Variants in OPRM1 observed in about 807,000 individuals in gnomAD.
OPRM1 encodes opioid receptor mu 1.
Under a neutral mutation model 31.8 loss-of-function variants are expected in OPRM1, and 27 were observed. The observed-to-expected ratio is 0.85, with a 90% CI of 0.63 to 1.17. The LOEUF (loss-of-function observed/expected upper bound fraction) is 1.17, where lower values mean the gene tolerates loss of function less well. Among genes scored for constraint, OPRM1 ranks in the 50% most tolerant of loss-of-function variants. The pLI is 0.00. For missense variants in OPRM1, 536 were observed against 511.1 expected, an observed-to-expected ratio of 1.05 and a Z score of -0.47; for synonymous variants, 196 against 189.9, an observed-to-expected ratio of 1.03 and a Z score of -0.26.
chr6:154,049,036 A>G (rs1781697691), intron 1 of OPRM1, among the ~76,000 whole-genome samples: 1 of 152,176 alleles, frequency 6.6e-6, no homozygotes, highest in Admixed American at 6.5e-5. Flanking sequence ...TAAAATTTTC[A>G]TCAGCTAATG....
chr6:154,214,313 G>C (rs746501725), intron 3 of OPRM1: 1 of 1,418,236 alleles, frequency 7.1e-7, no homozygotes, highest in South Asian at 1.1e-5. Flanking sequence ...TGACCAAAGA[G>C]ATTAGCCCCC....
chr6:154,161,804 GA>G (rs1423360649), intron 3 of OPRM1, among the ~76,000 whole-genome samples: 1 of 152,130 alleles, frequency 6.6e-6, no homozygotes, highest in Non-Finnish European at 1.5e-5. Flanking sequence ...GCATGTGATT[GA>G]ACTACTCTTT....
chr6:154,163,135 T>C (rs1296041847), intron 3 of OPRM1, among the ~76,000 whole-genome samples: 1 of 152,168 alleles, frequency 6.6e-6, no homozygotes, highest in African/African-American at 2.4e-5. Context: ...GTCACTGTCT[T>C]ACTCCGAGCA....
In OPRM1 at chr6:154,091,423, C is replaced by G. The variant is rs200735555; in HGVS notation, c.1115C>G (p.Thr372Ser). Residue 372 changes from threonine (T) to serine (S), a missense_variant, in exon 3 of 4, where the codon ACT becomes AGT. Physicochemically the swap from Thr to Ser is moderately conservative, Grantham distance 58. Coordinates refer to ENST00000330432, the MANE Select transcript of OPRM1 (RefSeq NM_000914.5). ...QQNSTRIRQN[T>S]RDHPSTANTV... ...AACTCCACTCGAATTCGTCAGAACACTAGAGACCACCCCTCCACGGCCAAT... is the reference window on the plus strand; with the variant it reads ...AACTCCACTCGAATTCGTCAGAACAGTAGAGACCACCCCTCCACGGCCAAT... 1 of 1,613,920 alleles carries G rather than the reference C, an allele frequency of 6.2e-7. No homozygotes were observed. Among genetic ancestry groups the G allele is most frequent in the South Asian group, 1.1e-5 (1 of 91,082 alleles).
rs537718212 is a variant in OPRM1 at position 154,067,299 on chromosome 6, C to G, written c.291-22527C>G. Among the ~76,000 whole-genome samples, 579 of 151,724 alleles carry G rather than the reference C, an allele frequency of 3.8e-3. 1 individual carries two copies. The highest frequency in any genetic ancestry group is 6.2e-3 in the Non-Finnish European group (422 of 67,852). On this transcript the variant is annotated intron_variant, in intron 1 of 3. Transcript: ENST00000330432. The stretch of plus-strand genomic sequence containing the variant: ...TAAGCATTTATACATACAAATTTTC[C>G]CTTAGCACTGTTTTTGCTGCATCAT...
intron 3 of OPRM1, among the ~76,000 whole-genome samples, chr6:154,162,872 C>G (rs1218366908): frequency 1.3e-5 from 2 of 152,190 alleles, no homozygotes; most frequent in African/African-American, 4.8e-5. Context: ...TCAAAAATAA[C>G]ATATCTAAAG....
chr6:154,047,268 C>T (rs1481073879), intron 1 of OPRM1, among the ~76,000 whole-genome samples: 2 of 149,390 alleles, frequency 1.3e-5, no homozygotes, highest in Non-Finnish European at 3.0e-5. Context: ...TCTTACTGCA[C>T]TGGGAGGCCC....
At chr6:154,192,582 G>A (rs907614970) in intron 3 of OPRM1, among the ~76,000 whole-genome samples, 1 of 152,038 alleles carries the variant, frequency 6.6e-6, no homozygotes, top group African/African-American at 2.4e-5. Flanking sequence ...GCAACCCAGA[G>A]AGTGGGAGAA....
intron 1 of OPRM1, among the ~76,000 whole-genome samples, chr6:154,058,910 A>G (rs1466558018): frequency 6.6e-6 from 1 of 152,226 alleles, no homozygotes; most frequent in Non-Finnish European, 1.5e-5. Flanking sequence ...AATTTGTGTA[A>G]TAAGCCCAAA....
chr6:154,090,210 G>A (rs1183124089), intron 2 of OPRM1, 32 bp downstream of exon 2: 5 of 1,447,664 alleles, frequency 3.5e-6, no homozygotes, highest in Non-Finnish European at 4.8e-6. Context: ...AGGGAAGGAG[G>A]GTTCACAGCC....
At chr6:154,246,862 T>C (rs1370779370) in exon 4 of OPRM1, 3 of 1,346,610 alleles carry the variant, frequency 2.2e-6, no homozygotes, top group Non-Finnish European at 2.9e-6. Flanking sequence ...CTTTTAATTG[T>C]TAACCCCCCG....
chr6:154,187,399 T>C (rs900936705), intron 3 of OPRM1, among the ~76,000 whole-genome samples: 2 of 152,230 alleles, frequency 1.3e-5, no homozygotes, highest in Non-Finnish European at 2.9e-5. Context: ...GGGCTGTTTA[T>C]TTTGGCTTTC....
Position 154,090,903 on chromosome 6 carries a change from C to T in OPRM1, c.644-49C>T, listed in dbSNP as rs764663450. On this transcript the variant is annotated intron_variant, in intron 2 of 3. Coordinates refer to ENST00000330432, the MANE Select transcript of OPRM1 (RefSeq NM_000914.5). ...AAATGGCAGTATTAACACCTTATGA[C>T]ATAATTAAATGTTGCTGCTAATTTT... The T allele has an allele frequency of 2.6e-6, 4 of 1,541,320 alleles. No homozygotes were observed. The African/African-American group carries it at 5.5e-5, about 21-fold the overall frequency.
intron 3 of OPRM1, among the ~76,000 whole-genome samples, chr6:154,138,186 T>C (rs1368780447): frequency 6.6e-6 from 1 of 152,050 alleles, no homozygotes; most frequent in African/African-American, 2.4e-5. Flanking sequence ...TTTCTGCCAC[T>C]GCAAAGTCTC....
chr6:154,225,405 T>A (rs1211756659), intron 3 of OPRM1, among the ~76,000 whole-genome samples: 1 of 152,248 alleles, frequency 6.6e-6, no homozygotes, highest in African/African-American at 2.4e-5. Flanking sequence ...GGGATATTAT[T>A]CAGCCTTAAA....
chr6:154,183,163 T>G (rs1801046008), intron 3 of OPRM1, among the ~76,000 whole-genome samples: 1 of 152,052 alleles, frequency 6.6e-6, no homozygotes, highest in Admixed American at 6.5e-5. Context: ...GTATTTTTAG[T>G]AGAGACGGGG....
Position 154,124,100 on chromosome 6 carries a change from G to A in OPRM1, c.*5379G>A, listed in dbSNP as rs1191650307. Among the ~76,000 whole-genome samples, 2 of 152,136 alleles carry A rather than the reference G, an allele frequency of 1.3e-5. No individual in the cohort carries two copies. Among genetic ancestry groups the A allele is most frequent in the South Asian group, 2.1e-4 (1 of 4,824 alleles). The stretch of plus-strand genomic sequence containing the variant: ...GGACCATTGACACTGAGATTTTAAG[G>A]GAGGAAAAACAGATTGACAGTGGAC... On this transcript the variant is annotated 3_prime_UTR_variant, in exon 4 of 4. Coordinates refer to ENST00000330432, the MANE Select transcript of OPRM1 (RefSeq NM_000914.5).
chr6:154,134,748 G>A (rs534828041), downstream of OPRM1, among the ~76,000 whole-genome samples: 5 of 152,200 alleles, frequency 3.3e-5, no homozygotes, highest in Admixed American at 6.5e-5. Context: ...AGTTCTCTTC[G>A]AGAAACTGGC....
At chr6:154,035,245 A>G (rs559925193), upstream of OPRM1, among the ~76,000 whole-genome samples, 22 of 152,130 alleles carry the variant, frequency 1.4e-4, no homozygotes, top group East Asian at 4.3e-3. Context: ...CATCCACTTT[A>G]TTCTAGATGG....
Sources: gnomAD v4.1 joint callset for allele counts (sites outside exome capture counted in the v4.1 genomes callset) on GRCh38, gnomAD v4.1.1 for gene constraint, MANE v1.5 for transcripts, NCBI Gene and HGNC (gene_info 2026-07-23, HGNC 2026-07-21) for gene names.